The following PTGER3 variants were observed in gnomAD, a reference collection of about 807,000 sequenced individuals.
PTGER3 encodes the protein prostaglandin E receptor 3, also known as prostaglandin E2 receptor EP3 subtype.
Under a neutral mutation model 34.7 loss-of-function variants are expected in PTGER3, and 22 were observed. The ratio of observed to expected loss-of-function variants is 0.63; its 90% CI spans 0.45 to 0.91. PTGER3 has a LOEUF of 0.91. PTGER3 is among the 40% of genes least tolerant of loss of function. The pLI is 0.00. For synonymous variants in PTGER3, 241 were observed against 230.1 expected, an observed-to-expected ratio of 1.05 and a Z score of -0.43; for missense variants, 468 against 519.4, an observed-to-expected ratio of 0.90 and a Z score of 0.96.
intron 4 of PTGER3, among the ~76,000 whole-genome samples, chr1:70,865,328 C>T (rs1006829937): frequency 6.6e-6 from 1 of 151,884 alleles, no homozygotes; most frequent in African/African-American, 2.4e-5. Context: ...GGAATACCAC[C>T]CCAGCAGTAG....
At chr1:70,997,552 C>T (rs78283048) in intron 2 of PTGER3, among the ~76,000 whole-genome samples, 2,113 of 152,228 alleles carry the variant, frequency 0.014, 50 homozygotes, top group African/African-American at 0.049. Flanking sequence ...TTATTAATGA[C>T]CACCAGATAT....
intron 2 of PTGER3, among the ~76,000 whole-genome samples, chr1:70,961,404 T>C (rs1651922254): frequency 6.6e-6 from 1 of 152,188 alleles, no homozygotes; most frequent in African/African-American, 2.4e-5. Context: ...TTCTGTACCT[T>C]GAATTTCCTG....
intron 4 of PTGER3, among the ~76,000 whole-genome samples, chr1:70,927,537 G>A (rs1259968950): frequency 6.6e-6 from 1 of 152,158 alleles, no homozygotes; most frequent in Non-Finnish European, 1.5e-5. Context: ...ACATAAAAAT[G>A]AGCTTGTTCA....
chr1:70,979,458 A>ATTCTGAG (rs1442413565), intron 2 of PTGER3, among the ~76,000 whole-genome samples: 3 of 149,900 alleles, frequency 2.0e-5, no homozygotes, highest in African/African-American at 4.9e-5. Flanking sequence ...GAATACAGAC[A>ATTCTGAG]GATTTGTCAC....
At chr1:70,873,688 C>A (rs1468900796) in intron 4 of PTGER3, among the ~76,000 whole-genome samples, 1 of 149,498 alleles carries the variant, frequency 6.7e-6, no homozygotes, top group African/African-American at 2.5e-5. Context: ...TGCCCTGTCA[C>A]CCAGGCTGGA....
intron 1 of PTGER3, among the ~76,000 whole-genome samples, chr1:71,023,463 C>T (rs1162002604): frequency 6.6e-6 from 1 of 151,888 alleles, no homozygotes; most frequent in East Asian, 1.9e-4. Flanking sequence ...TGTGAATAAA[C>T]TGACTATGTG....
chr1:70,927,461 A>C (rs1282814383), intron 4 of PTGER3, among the ~76,000 whole-genome samples: 1 of 152,202 alleles, frequency 6.6e-6, no homozygotes. Context: ...AAAAGAAAGC[A>C]TAGCTATGGA....
At chr1:70,856,153 T>C (rs1377616795) in intron 4 of PTGER3, among the ~76,000 whole-genome samples, 1 of 152,176 alleles carries the variant, frequency 6.6e-6, no homozygotes, top group Non-Finnish European at 1.5e-5. Context: ...CACTATACTC[T>C]GATAGCTGAA....
At chr1:70,956,531 G>A (rs535854305) in intron 2 of PTGER3, among the ~76,000 whole-genome samples, 1 of 152,066 alleles carries the variant, frequency 6.6e-6, no homozygotes, top group Non-Finnish European at 1.5e-5. Context: ...CTGGCACAAC[G>A]TAAAGGTCAG....
intron 2 of PTGER3, chr1:71,007,495 A>G: frequency 1.0e-6 from 1 of 985,444 alleles, no homozygotes; most frequent in Non-Finnish European, 1.2e-6. Flanking sequence ...GTGTTCAAAG[A>G]TAAATGCAGT....
intron 3 of PTGER3, 69 bp from the exon 4 acceptor site, chr1:70,971,802 G>A: frequency 9.9e-7 from 1 of 1,011,008 alleles, no homozygotes. Flanking sequence ...TTTTGTGTAT[G>A]GTGTGAGGAG....
chr1:70,995,627 G>T (rs1384151144), intron 2 of PTGER3, among the ~76,000 whole-genome samples: 1 of 151,966 alleles, frequency 6.6e-6, no homozygotes, highest in Admixed American at 6.6e-5. Context: ...GTAATAACAT[G>T]ATGTTTTGAT....
At chr1:70,936,361 G>A (rs1649230051) in intron 4 of PTGER3, among the ~76,000 whole-genome samples, 2 of 152,088 alleles carry the variant, frequency 1.3e-5, no homozygotes, top group African/African-American at 4.8e-5. Context: ...TGTGAGAGTA[G>A]TAGTGGCATG....
chr1:70,946,393 G>A (rs980433761), intron 4 of PTGER3, among the ~76,000 whole-genome samples: 2 of 152,092 alleles, frequency 1.3e-5, no homozygotes, highest in Non-Finnish European at 2.9e-5. Context: ...GATGATAACA[G>A]AATTGGTAAG....
chr1:70,885,070 C>A (rs995410692), intron 4 of PTGER3, among the ~76,000 whole-genome samples: 4 of 152,094 alleles, frequency 2.6e-5, no homozygotes, highest in African/African-American at 9.7e-5. Context: ...AATGCAAGAG[C>A]CAAAATTTGT....
intron 1 of PTGER3, among the ~76,000 whole-genome samples, chr1:71,034,458 G>A (rs1659656778): frequency 6.6e-6 from 1 of 151,988 alleles, no homozygotes. Flanking sequence ...CAGAATCTAG[G>A]GCAGTCATTT....
chr1:70,991,930 T>G (rs1655519456), intron 2 of PTGER3, among the ~76,000 whole-genome samples: 1 of 152,164 alleles, frequency 6.6e-6, no homozygotes, highest in African/African-American at 2.4e-5. Flanking sequence ...CCTATAAGGT[T>G]AGGAAAGCTT....
At position 70,974,388 on chromosome 1, in the gene PTGER3, T is replaced by A; in HGVS notation, c.1078A>T (p.Ile360Phe). ...GCATAGTTGTTTGTGTGGTACCTGA[T>A]CTGTGAACAGACAGAGGATTTCACA... is the stretch of plus-strand genomic sequence containing the variant. ...RKILLRKFCQ[I>F]RYHTNNYASS... The change falls in exon 3 of 4, where the codon ATC becomes TTC. Residue 360 changes from isoleucine to phenylalanine, a missense_variant and splice_region_variant. Physicochemically the swap from Ile to Phe is conservative, Grantham distance 21. Coordinates refer to ENST00000306666, the MANE Select transcript of PTGER3 (RefSeq NM_198719.2). The A allele has an allele frequency of 1.0e-6, 1 of 983,950 alleles. No individual in the cohort carries two copies. The highest frequency in any genetic ancestry group is 1.7e-6 in the Non-Finnish European group (1 of 604,336). 61.0% of individuals were successfully genotyped at this position (983,950 alleles called of 1,614,324 possible). A position where few individuals can be genotyped will look rare whatever the true frequency, so the allele number is the denominator to read the frequency against.
intron 1 of PTGER3, among the ~76,000 whole-genome samples, chr1:71,019,616 T>C (rs2268062): frequency 0.33 from 50,380 of 152,150 alleles, 9,056 homozygotes; most frequent in South Asian, 0.45. Flanking sequence ...GTGATAACGT[T>C]CTTTTAAGTG....
Sources: gnomAD v4.1 joint callset for allele counts (sites outside exome capture counted in the v4.1 genomes callset) on GRCh38, gnomAD v4.1.1 for gene constraint, MANE v1.5 for transcripts, NCBI Gene and HGNC (gene_info 2026-07-23, HGNC 2026-07-21) for gene names.